MTUS2: variants seen among roughly 807,000 people sequenced by gnomAD.
The protein encoded by MTUS2 is microtubule associated scaffold protein 2, also known as microtubule-associated tumor suppressor candidate 2.
A neutral mutation model predicts 114.1 loss-of-function variants in MTUS2; 40 were observed. The observed-to-expected ratio is 0.35, with a 90% CI of 0.27 to 0.46. The LOEUF is 0.46. Among genes scored for constraint, MTUS2 ranks in the 20% least tolerant of loss-of-function variants. The pLI is 1.00. For synonymous variants in MTUS2, 688 were observed against 672.0 expected, an observed-to-expected ratio of 1.02 and a Z score of -0.37; for missense variants, 1,679 against 1,705.4, an observed-to-expected ratio of 0.98 and a Z score of 0.27.
intron 5 of MTUS2, among the ~76,000 whole-genome samples, chr13:29,216,131 C>T (rs568836266): frequency 8.5e-5 from 13 of 152,332 alleles, no homozygotes; most frequent in East Asian, 7.7e-4. Flanking sequence ...GCCACACTGC[C>T]GTGGGTTCCA....
intron 4 of MTUS2, among the ~76,000 whole-genome samples, chr13:29,070,095 G>A (rs529293458): frequency 1.3e-5 from 2 of 152,266 alleles, no homozygotes; most frequent in East Asian, 3.9e-4. Context: ...CTGGAGAGAG[G>A]GGATGGAATC....
At chr13:29,346,218 G>T (rs531619625) in intron 7 of MTUS2, among the ~76,000 whole-genome samples, 3 of 152,112 alleles carry the variant, frequency 2.0e-5, no homozygotes, top group African/African-American at 7.2e-5. Flanking sequence ...CCACCTGGGT[G>T]GTAAGTATTT....
intron 5 of MTUS2, among the ~76,000 whole-genome samples, chr13:29,184,954 A>G (rs939286734): frequency 1.1e-4 from 16 of 152,206 alleles, no homozygotes; most frequent in Admixed American, 2.0e-4. Flanking sequence ...CTAGTTGGAC[A>G]TACAAAACAA....
At position 28,836,240 on chromosome 13, in the gene MTUS2, A is replaced by G. The variant is rs115149745; in HGVS notation, c.-315-3538A>G. 2.0e-3 allele frequency among the ~76,000 whole-genome samples: 309 copies of G among 152,310 alleles called. 1 individual carries two copies. The highest frequency in any genetic ancestry group is 7.3e-3 in the African/African-American group (303 of 41,562). On this transcript the variant is annotated intron_variant, in intron 1 of 15. Transcript: ENST00000612955. ...TTGAATCCTCAAAATAAAGTATTTC[A>G]TACTTACAGCACGTCTCAGTTTAGG...
intron 6 of MTUS2, among the ~76,000 whole-genome samples, chr13:29,283,298 CA>C (rs1161523961): frequency 4.6e-5 from 7 of 152,182 alleles, no homozygotes; most frequent in Non-Finnish European, 1.0e-4. Flanking sequence ...TGTTCTTCCT[CA>C]GGGGAAGGTA....
chr13:29,405,623 G>A (rs1874690356), intron 8 of MTUS2, among the ~76,000 whole-genome samples: 1 of 152,140 alleles, frequency 6.6e-6, no homozygotes, highest in Non-Finnish European at 1.5e-5. Context: ...ATGGCAGTGG[G>A]GAATGTCTTG....
rs1401709658 is a variant in MTUS2 at position 29,317,524 on chromosome 13, C to T, written c.2807-7089C>T. Among the ~76,000 whole-genome samples, 21 of 15,966 alleles carry T rather than the reference C, an allele frequency of 1.3e-3. 9 individuals carry two copies. The highest frequency in any genetic ancestry group is 4.9e-3 in the Admixed American group (5 of 1,012). The allele number at this position is 15,966 out of a possible 152,430, so 10.5% of individuals were successfully genotyped here. Reference sequence around the variant, plus strand: ...CGCAATCTCGGCTCACTGCAAGCTCCGCTTCCCGGGTTCACGCCATTCTCC... The same window carrying T: ...CGCAATCTCGGCTCACTGCAAGCTCTGCTTCCCGGGTTCACGCCATTCTCC... On this transcript the variant is annotated intron_variant, in intron 6 of 15. Coordinates refer to ENST00000612955, the MANE Select transcript of MTUS2 (RefSeq NM_001033602.4).
At chr13:29,122,217 G>A (rs2138913274) in intron 5 of MTUS2, among the ~76,000 whole-genome samples, 1 of 152,140 alleles carries the variant, frequency 6.6e-6, no homozygotes, top group South Asian at 2.1e-4. Flanking sequence ...GTTTCACTTG[G>A]GCCTTAAAAG....
At chr13:29,079,127 C>T (rs1456558300) in intron 4 of MTUS2, among the ~76,000 whole-genome samples, 1 of 152,096 alleles carries the variant, frequency 6.6e-6, no homozygotes, top group Non-Finnish European at 1.5e-5. Flanking sequence ...ATGAGTGTGT[C>T]ATGGTATCTG....
chr13:28,990,499 C>A (rs1346577304), intron 2 of MTUS2, among the ~76,000 whole-genome samples: 1 of 151,988 alleles, frequency 6.6e-6, no homozygotes, highest in African/African-American at 2.4e-5. Flanking sequence ...TGTAAATGCA[C>A]CAATCAGCAC....
chr13:29,375,628 TATATATATATAC>T (rs1566163799), intron 8 of MTUS2, among the ~76,000 whole-genome samples: 80 of 7,234 alleles, frequency 0.011, 15 homozygotes, highest in African/African-American at 0.016. Flanking sequence ...TATATATATA[TATATATATATAC>T]ACACACCATG....
chr13:29,201,975 A>G (rs143337153), intron 5 of MTUS2, among the ~76,000 whole-genome samples: 251 of 152,108 alleles, frequency 1.7e-3, no homozygotes, highest in Middle Eastern at 3.4e-3. Context: ...TCTGACGATT[A>G]TGTGTCTTGG....
chr13:29,487,375 T>C (rs1016498711), intron 10 of MTUS2: 4 of 153,930 alleles, frequency 2.6e-5, no homozygotes, highest in African/African-American at 9.6e-5. Flanking sequence ...TTCATATTTC[T>C]CTTAGCCTCA....
rs116802512 is a variant in MTUS2 at position 28,893,432 on chromosome 13, G to A, written c.-243+53582G>A. On this transcript the variant is annotated intron_variant, in intron 2 of 15. Coordinates refer to ENST00000612955, the MANE Select transcript of MTUS2 (RefSeq NM_001033602.4). ...CGGGAAGTGGCCAAGGAAACAATAAGAATGATGTGATCTTTTCCTGAGTGC... is the reference window on the plus strand; with the variant it reads ...CGGGAAGTGGCCAAGGAAACAATAAAAATGATGTGATCTTTTCCTGAGTGC... Among the ~76,000 whole-genome samples, 657 of 152,306 alleles carry A rather than the reference G, an allele frequency of 4.3e-3. 5 individuals are homozygous for A. Among genetic ancestry groups the A allele is most frequent in the African/African-American group, 0.015 (628 of 41,562 alleles).
At chr13:28,833,087 C>T (rs1000902662) in intron 1 of MTUS2, among the ~76,000 whole-genome samples, 2 of 151,964 alleles carry the variant, frequency 1.3e-5, no homozygotes, top group Admixed American at 6.6e-5. Flanking sequence ...AATATTTTTC[C>T]ATGAAGAAAA....
At chr13:29,445,053 G>C (rs73444048) in intron 9 of MTUS2, among the ~76,000 whole-genome samples, 4,069 of 152,272 alleles carry the variant, frequency 0.027, 155 homozygotes, top group African/African-American at 0.091. Flanking sequence ...ATCTCTGGTG[G>C]TATCACGACT....
In MTUS2 at chr13:29,033,951, A is replaced by G. The variant is rs779108871; in HGVS notation, c.2272A>G (p.Thr758Ala). ...CTATGCTCATTATGAAGTCCCTCCAACTTTCTATCGGTCAGCCATGCTCCT... is the reference window on the plus strand; with the variant it reads ...CTATGCTCATTATGAAGTCCCTCCAGCTTTCTATCGGTCAGCCATGCTCCT... ...PPYAHYEVPP[T>A]FYRSAMLLKP... The change falls in exon 4 of 16, where the codon ACT (threonine) becomes GCT (alanine). Residue 758 changes from threonine (T) to alanine (A), a missense_variant. Coordinates refer to ENST00000612955, the MANE Select transcript of MTUS2 (RefSeq NM_001033602.4). The G allele has an allele frequency of 4.3e-6, 7 of 1,613,800 alleles. No homozygotes were observed. The highest frequency in any genetic ancestry group is 5.9e-6 in the Non-Finnish European group (7 of 1,179,888).
At chr13:29,501,056 A>G (rs1378352353) in intron 14 of MTUS2, 41 bp from the exon 15 acceptor site, 24 of 1,556,208 alleles carry the variant, frequency 1.5e-5, no homozygotes, top group Non-Finnish European at 2.1e-5. Flanking sequence ...TCCCGATTTT[A>G]TGGCCTTGCT....
Position 29,026,301 on chromosome 13 carries a change from C to T in MTUS2, c.1603C>T (p.Pro535Ser), listed in dbSNP as rs747976579. 3.1e-6 allele frequency: 5 copies of T among 1,613,992 alleles called. No homozygotes were observed. The highest frequency in any genetic ancestry group is 4.2e-6 in the Non-Finnish European group (5 of 1,179,898). ...AGATTCAGTTCTCAATATTCCAGCA[C>T]CCCTCCACCCAGAGACAACTGTGAA... ...RADSVLNIPA[P>S]LHPETTVNMT... Residue 535 changes from proline (P) to serine (S), a missense_variant, in exon 3 of 16, where the codon CCC (proline) becomes TCC (serine). By Grantham distance (74) the Pro-to-Ser change is moderately conservative. This residue lies in a region of MTUS2 where 843 missense variants were observed against 770.8 expected (regional missense o/e 1.09). Transcript: ENST00000612955.
Sources: gnomAD v4.1 joint callset for allele counts (sites outside exome capture counted in the v4.1 genomes callset) on GRCh38, gnomAD v4.1.1 for gene constraint, gnomAD v4.1.1 regional missense constraint, MANE v1.5 for transcripts, NCBI Gene and HGNC (gene_info 2026-07-23, HGNC 2026-07-21) for gene names.